Variants in REPS2 observed in about 807,000 individuals in gnomAD.
REPS2 encodes the protein RALBP1 associated Eps domain containing 2, also known as ralBP1-associated Eps domain-containing protein 2.
REPS2 carries 23 observed loss-of-function variants against 53.6 expected under a neutral mutation model. That is an observed-to-expected ratio of 0.43 (90% CI 0.31 to 0.61). The LOEUF (loss-of-function observed/expected upper bound fraction) is 0.61, where lower values mean the gene tolerates loss of function less well. Among genes scored for constraint, REPS2 ranks in the 20% least tolerant of loss-of-function variants. The pLI, the probability that REPS2 is intolerant of heterozygous loss-of-function variation, is 0.11. For missense variants in REPS2, 446 were observed against 534.9 expected, an observed-to-expected ratio of 0.83 and a Z score of 1.64; for synonymous variants, 238 against 218.6, an observed-to-expected ratio of 1.09 and a Z score of -0.78.
chrX:17,014,273 G>A (rs968253240), intron 2 of REPS2, among the ~76,000 whole-genome samples: 12 of 111,434 alleles, frequency 1.1e-4, no homozygotes, highest in African/African-American at 3.9e-4. Context: ...GATGCTGCTT[G>A]CTAGCAGCAG....
At chrX:16,991,371 T>G (rs1448920849) in intron 1 of REPS2, among the ~76,000 whole-genome samples, 2 of 111,827 alleles carry the variant, frequency 1.8e-5, no homozygotes, top group Non-Finnish European at 3.8e-5. Context: ...CTGCCCACAT[T>G]TCATTGTAGC....
At chrX:17,168,294 G>A in the REPS2 span, among the ~76,000 whole-genome samples, 2 of 111,562 alleles carry the variant, frequency 1.8e-5, no homozygotes, top group African/African-American at 3.3e-5. Flanking sequence ...TAGGAGGATC[G>A]CTTGAGCCCA....
intron 1 of REPS2, among the ~76,000 whole-genome samples, chrX:16,965,805 T>C (rs1197035418): frequency 8.9e-6 from 1 of 112,470 alleles, no homozygotes; most frequent in Non-Finnish European, 1.9e-5. Context: ...GCCACTGCAC[T>C]CCAGCCTGGG....
chrX:17,070,526 T>C (rs1388001670), intron 11 of REPS2, among the ~76,000 whole-genome samples: 1 of 112,143 alleles, frequency 8.9e-6, no homozygotes, highest in Admixed American at 9.5e-5. Context: ...TGTGGAGTCA[T>C]GGAGAATGGC....
In REPS2 at chrX:17,068,558, A is replaced by G; in HGVS notation, c.1279+87A>G. ...CTTGGAATGGTGGCTTCTAGAGCAT[A>G]TGAGGGTGGTTCTCAGCATGTAAAC... On this transcript the variant is annotated intron_variant, in intron 10 of 17. Transcript: ENST00000357277. 1.4e-5 allele frequency: 10 copies of G among 698,105 alleles called. No homozygotes were observed. In the South Asian group the frequency reaches 2.7e-4, roughly 19 times the overall value. The allele number at this position is 698,105 out of a possible 1,213,427, so 57.5% of individuals were successfully genotyped here. A position where few individuals can be genotyped will look rare whatever the true frequency, so the allele number is the denominator to read the frequency against.
At chrX:17,113,509 A>G (rs893609219) in intron 14 of REPS2, among the ~76,000 whole-genome samples, 4 of 111,415 alleles carry the variant, frequency 3.6e-5, no homozygotes, top group Non-Finnish European at 7.5e-5. Flanking sequence ...GAATCGGTTC[A>G]TAGATTGCTC....
intron 10 of REPS2, among the ~76,000 whole-genome samples, chrX:17,069,668 A>G (rs2062277057): frequency 9.0e-6 from 1 of 111,614 alleles, no homozygotes; most frequent in African/African-American, 3.3e-5. Context: ...TCCTGGTAAT[A>G]CTTCTCCTAT....
intron 13 of REPS2, among the ~76,000 whole-genome samples, chrX:17,085,325 T>C (rs1328465222): frequency 8.9e-6 from 1 of 112,081 alleles, no homozygotes; most frequent in Non-Finnish European, 1.9e-5. Flanking sequence ...TCCTGCTTTA[T>C]TCTTTTTCAG....
the REPS2 span, among the ~76,000 whole-genome samples, chrX:17,183,108 A>G: frequency 1.8e-5 from 2 of 112,589 alleles, no homozygotes; most frequent in South Asian, 7.3e-4. Flanking sequence ...AAAATGTTCA[A>G]AGGAGGAATG....
the REPS2 span, among the ~76,000 whole-genome samples, chrX:17,193,363 G>A: frequency 2.7e-5 from 3 of 111,398 alleles, no homozygotes; most frequent in Non-Finnish European, 5.6e-5. Context: ...CCTTGCTGTT[G>A]TCCCAAGGAG....
At chrX:17,141,252 T>C (rs1410057839) in intron 17 of REPS2, among the ~76,000 whole-genome samples, 1 of 112,221 alleles carries the variant, frequency 8.9e-6, no homozygotes, top group Admixed American at 9.4e-5. Flanking sequence ...TATACCATAG[T>C]TTTGCCTGTT....
chrX:17,059,863 A>C (rs919162774), intron 8 of REPS2, among the ~76,000 whole-genome samples: 8 of 111,466 alleles, frequency 7.2e-5, no homozygotes, highest in African/African-American at 2.6e-4. Context: ...TAAAACTTCA[A>C]GGACAGAGTT....
In REPS2 at chrX:17,020,911, G is replaced by C. The variant is rs769367893; in HGVS notation, c.398-1212G>C. Among the ~76,000 whole-genome samples, 7 of 112,016 alleles carry C rather than the reference G, an allele frequency of 6.2e-5. No individual in the cohort carries two copies. The East Asian group carries it at 1.7e-3, about 27-fold the overall frequency. ...CTCCCAAAGTGCTGGAATTATAGGC[G>C]TAAGTGAGCCACTGCGCCCGGCCGC... On this transcript the variant is annotated intron_variant, in intron 2 of 17. Coordinates refer to ENST00000357277, the MANE Select transcript of REPS2 (RefSeq NM_004726.3).
intron 16 of REPS2, chrX:17,137,377 G>A (rs1435396013): frequency 1.8e-5 from 2 of 111,522 alleles, no homozygotes; most frequent in Admixed American, 1.9e-4. Context: ...TGTGGCTAAC[G>A]ACATTGATCA....
rs2061627497 is a variant in REPS2, at chrX:17,025,159, G to A, written c.647G>A (p.Arg216Gln). Residue 216 changes from arginine (R) to glutamine (Q), a missense_variant, in exon 4 of 18, where the codon CGG becomes CAG. Physicochemically the swap from Arg to Gln is conservative, Grantham distance 43. Coordinates refer to ENST00000357277, the MANE Select transcript of REPS2 (RefSeq NM_004726.3). ...VPLSHGYSKL[R>Q]SSAEQMHPAP... ...TTGAGCCATGGCTACAGCAAACTGC[G>A]GAGCAGCGCAGAACAGATGCATCCA... 3 of 1,210,085 alleles carry A rather than the reference G, an allele frequency of 2.5e-6. No homozygotes were observed. Among genetic ancestry groups the A allele is most frequent in the African/African-American group, 3.5e-5 (2 of 57,197 alleles).
intron 1 of REPS2, among the ~76,000 whole-genome samples, chrX:16,975,675 A>G (rs2060947144): frequency 8.9e-6 from 1 of 111,955 alleles, no homozygotes; most frequent in Non-Finnish European, 1.9e-5. Flanking sequence ...CTTAAGTGTT[A>G]ACTATTTTTA....
intron 14 of REPS2, among the ~76,000 whole-genome samples, chrX:17,124,267 A>G (rs1216033529): frequency 8.9e-6 from 1 of 112,291 alleles, no homozygotes; most frequent in Non-Finnish European, 1.9e-5. Context: ...GGCTTATTCC[A>G]CACATTGATT....
At chrX:17,182,225 AG>A in the REPS2 span, among the ~76,000 whole-genome samples, 3 of 110,041 alleles carry the variant, frequency 2.7e-5, no homozygotes, top group Non-Finnish European at 5.7e-5. Context: ...GCTCCATTGG[AG>A]TCCTGAGCTG....
At chrX:17,034,240 G>C (rs1010316133) in intron 5 of REPS2, among the ~76,000 whole-genome samples, 1 of 111,500 alleles carries the variant, frequency 9.0e-6, no homozygotes, top group Non-Finnish European at 1.9e-5. Context: ...GCATGTACAT[G>C]CAAATATAGG....
Sources: gnomAD v4.1 joint callset for allele counts (sites outside exome capture counted in the v4.1 genomes callset) on GRCh38, gnomAD v4.1.1 for gene constraint, MANE v1.5 for transcripts, NCBI Gene and HGNC (gene_info 2026-07-23, HGNC 2026-07-21) for gene names.